Variants in PLSCR4 observed in about 807,000 individuals in gnomAD.
PLSCR4 encodes phospholipid scramblase 4, also known as Ca(2+)-dependent phospholipid scramblase 4.
PLSCR4 carries 25 observed loss-of-function variants against 36.3 expected under a neutral mutation model. That is an observed-to-expected ratio of 0.69 (90% CI 0.50 to 0.96). The LOEUF is 0.96. Ranked by LOEUF, PLSCR4 falls within the 40% of genes least tolerant of loss-of-function variation. The pLI is 0.00. For missense variants in PLSCR4, 408 were observed against 414.7 expected (o/e 0.98, Z 0.14); for synonymous variants, 122 against 132.9 (o/e 0.92, Z 0.56).
At chr3:146,225,237 TAC>T (rs1371328809) in intron 1 of PLSCR4, among the ~76,000 whole-genome samples, 3 of 152,164 alleles carry the variant, frequency 2.0e-5, no homozygotes, top group Admixed American at 6.5e-5. Flanking sequence ...AGCAGCTAGT[TAC>T]AGAGTGTCCA....
Position 146,194,108 on chromosome 3 carries a change from C to G in PLSCR4, c.*303G>C, listed in dbSNP as rs762541564. ...TTCACTACCTATTAATATGAGAACT[C>G]TGGATTCATTTTCCCTTATCTCATG... On this transcript the variant is annotated 3_prime_UTR_variant, in exon 9 of 9. Transcript: ENST00000354952. 4.6e-5 allele frequency: 12 copies of G among 262,826 alleles called. No homozygotes were observed. Among genetic ancestry groups the G allele is most frequent in the Non-Finnish European group, 7.1e-5 (10 of 140,266 alleles). 16.3% of individuals were successfully genotyped at this position (262,826 alleles called of 1,614,324 possible).
chr3:146,249,474 G>A (rs2036466159), intron 1 of PLSCR4, among the ~76,000 whole-genome samples: 1 of 151,912 alleles, frequency 6.6e-6, no homozygotes, highest in Non-Finnish European at 1.5e-5. Flanking sequence ...ATTCTTCCAT[G>A]TCTCTTCAGT....
At chr3:146,207,743 A>G (rs1460688621) in intron 3 of PLSCR4, among the ~76,000 whole-genome samples, 3 of 151,976 alleles carry the variant, frequency 2.0e-5, no homozygotes, top group Non-Finnish European at 4.4e-5. Flanking sequence ...TCCCTCTATC[A>G]TTTCTCCCCA....
At chr3:146,224,755 T>C (rs2035363580) in intron 1 of PLSCR4, among the ~76,000 whole-genome samples, 2 of 152,094 alleles carry the variant, frequency 1.3e-5, no homozygotes, top group Non-Finnish European at 2.9e-5. Context: ...ACCCTGCTGA[T>C]TGGTAGAGCC....
intron 1 of PLSCR4, among the ~76,000 whole-genome samples, chr3:146,249,721 TAC>T (rs2036476959): frequency 6.6e-6 from 1 of 151,930 alleles, no homozygotes. Context: ...AGCTAAACAG[TAC>T]AGTTAAAAAC....
At chr3:146,200,111 T>C in intron 5 of PLSCR4, 72 bp from the exon 6 acceptor site, 1 of 866,884 alleles carries the variant, frequency 1.2e-6, no homozygotes, top group Non-Finnish European at 1.9e-6. Flanking sequence ...TGTTTAGTAT[T>C]TCTTAAGGGC....
chr3:146,245,522 C>T (rs1277136758), intron 1 of PLSCR4, among the ~76,000 whole-genome samples: 1 of 151,974 alleles, frequency 6.6e-6, no homozygotes, highest in Non-Finnish European at 1.5e-5. Context: ...ACATAAATAT[C>T]AAGCACAATT....
chr3:146,196,803 A>C lies in PLSCR4; in HGVS notation c.625-10T>G, dbSNP rs1395071149. 2 of 1,613,048 alleles carry C rather than the reference A, an allele frequency of 1.2e-6. No individual in the cohort carries two copies. The highest frequency in any genetic ancestry group is 2.7e-5 in the African/African-American group (2 of 74,892). On this transcript the variant is annotated splice_polypyrimidine_tract_variant and intron_variant, in intron 6 of 8. Transcript: ENST00000354952. ...GACACTGCACCTCCAGCTGCAAACA[A>C]AACAGTGACAGAAGTTAGGATGCTA...
chr3:146,207,181 T>A, intron 3 of PLSCR4, among the ~76,000 whole-genome samples: 1 of 152,272 alleles, frequency 6.6e-6, no homozygotes, highest in African/African-American at 2.4e-5. Context: ...TGTTATTATG[T>A]CTATTGTTAT....
At chr3:146,196,332 T>C in intron 7 of PLSCR4, 1 of 277,420 alleles carries the variant, frequency 3.6e-6, no homozygotes, top group Admixed American at 4.6e-5. Context: ...TAATTACATA[T>C]AGCCAACAAT....
intron 5 of PLSCR4, among the ~76,000 whole-genome samples, chr3:146,200,347 T>C (rs982161842): frequency 6.6e-6 from 1 of 152,084 alleles, no homozygotes; most frequent in Non-Finnish European, 1.5e-5. Context: ...ACTTTAATTA[T>C]AAAACCATTT....
chr3:146,203,786 TTC>T (rs773329713), intron 4 of PLSCR4, among the ~76,000 whole-genome samples: 215 of 152,178 alleles, frequency 1.4e-3, no homozygotes, highest in Non-Finnish European at 2.4e-3. Flanking sequence ...TGGTTTGATC[TTC>T]TTTCTAGACC....
intron 3 of PLSCR4, among the ~76,000 whole-genome samples, 180 bp downstream of exon 3, chr3:146,220,635 A>C (rs2035089461): frequency 6.6e-6 from 1 of 152,182 alleles, no homozygotes; most frequent in Non-Finnish European, 1.5e-5. Context: ...AAGCCTGTAA[A>C]TCCTATGGCT....
chr3:146,234,166 G>T (rs1233358964), intron 1 of PLSCR4, among the ~76,000 whole-genome samples: 1 of 152,020 alleles, frequency 6.6e-6, no homozygotes, highest in Non-Finnish European at 1.5e-5. Context: ...TGAAACAGAA[G>T]ACCAGAAAAA....
chr3:146,248,501 C>G (rs2107874730), intron 1 of PLSCR4, among the ~76,000 whole-genome samples: 1 of 151,194 alleles, frequency 6.6e-6, no homozygotes, highest in South Asian at 2.1e-4. Flanking sequence ...CACACACACA[C>G]ACACACAGTG....
At chr3:146,229,967 C>T (rs1310125568) in intron 1 of PLSCR4, among the ~76,000 whole-genome samples, 1 of 152,108 alleles carries the variant, frequency 6.6e-6, no homozygotes, top group Non-Finnish European at 1.5e-5. Flanking sequence ...AAGTAGAGCA[C>T]TTTCTTGAGT....
At chr3:146,228,726 TGA>T (rs3974291) in intron 1 of PLSCR4, among the ~76,000 whole-genome samples, 104,431 of 151,740 alleles carry the variant, frequency 0.69, 36,416 homozygotes, top group Admixed American at 0.76. Flanking sequence ...ATATAAATAT[TGA>T]GTTTTCATAA....
At chr3:146,202,989 A>C (rs551841616) in intron 4 of PLSCR4, among the ~76,000 whole-genome samples, 2 of 152,124 alleles carry the variant, frequency 1.3e-5, no homozygotes, top group South Asian at 4.1e-4. Flanking sequence ...TACTTCCTCC[A>C]CTGAAATCTT....
At chr3:146,250,056 A>C (rs568467961) in intron 1 of PLSCR4, among the ~76,000 whole-genome samples, 3 of 152,222 alleles carry the variant, frequency 2.0e-5, no homozygotes, top group African/African-American at 7.2e-5. Flanking sequence ...CACATCATGC[A>C]TAAAGTGATA....
Sources: allele counts gnomAD v4.1 joint callset (sites outside exome capture counted in the v4.1 genomes callset), GRCh38; gene constraint gnomAD v4.1.1; transcripts MANE v1.5; gene names NCBI Gene and HGNC (gene_info 2026-07-23, HGNC 2026-07-21).